MNAT1: variants seen among roughly 807,000 people sequenced by gnomAD.
MNAT1 encodes the protein MNAT1 component of CDK activating kinase.
A neutral mutation model predicts 42.0 loss-of-function variants in MNAT1; 43 were observed. The observed-to-expected ratio is 1.02, with a 90% CI of 0.80 to 1.32. The LOEUF (loss-of-function observed/expected upper bound fraction) is 1.32, where lower values mean the gene tolerates loss of function less well. Among genes scored for constraint, MNAT1 ranks in the 40% most tolerant of loss-of-function variants. MNAT1 has a pLI of 0.00. For synonymous variants in MNAT1, 118 were observed against 120.0 expected (o/e 0.98, Z 0.11); for missense variants, 306 against 350.4 (o/e 0.87, Z 1.01).
At chr14:60,902,402 A>G (rs1174655790) in intron 7 of MNAT1, among the ~76,000 whole-genome samples, 1 of 152,168 alleles carries the variant, frequency 6.6e-6, no homozygotes, top group Admixed American at 6.5e-5. Flanking sequence ...AATTCTGCCT[A>G]CTACAAGCGA....
At chr14:60,964,236 G>A (rs1482129538) in intron 7 of MNAT1, among the ~76,000 whole-genome samples, 1 of 152,136 alleles carries the variant, frequency 6.6e-6, no homozygotes, top group Non-Finnish European at 1.5e-5. Flanking sequence ...TTCAAGTGTG[G>A]TTTTCTAATG....
chr14:60,803,530 G>A (rs909517992), intron 3 of MNAT1, among the ~76,000 whole-genome samples: 1 of 152,160 alleles, frequency 6.6e-6, no homozygotes, highest in Admixed American at 6.5e-5. Flanking sequence ...GAGCCAAATT[G>A]TAAATATAGG....
At chr14:60,947,283 G>A (rs770522634) in intron 7 of MNAT1, among the ~76,000 whole-genome samples, 1 of 152,012 alleles carries the variant, frequency 6.6e-6, no homozygotes, top group Non-Finnish European at 1.5e-5. Context: ...GGGAATGACA[G>A]GTCCAGAGCC....
At chr14:60,772,961 G>C (rs1193068545) in intron 1 of MNAT1, among the ~76,000 whole-genome samples, 1 of 149,270 alleles carries the variant, frequency 6.7e-6, no homozygotes, top group Non-Finnish European at 1.5e-5. Flanking sequence ...TTGAGACAGA[G>C]TCTCTCTCTG....
chr14:60,951,883 G>A (rs1482639255), intron 7 of MNAT1, among the ~76,000 whole-genome samples: 1 of 152,018 alleles, frequency 6.6e-6, no homozygotes, highest in Non-Finnish European at 1.5e-5. Context: ...ATTCCTGTTG[G>A]CTTCACTGAG....
chr14:60,797,226 G>A (rs1032379773), intron 2 of MNAT1, among the ~76,000 whole-genome samples: 5 of 151,966 alleles, frequency 3.3e-5, no homozygotes, highest in African/African-American at 2.4e-5. Flanking sequence ...TCCGCCTAGC[G>A]GCTCTTTTAT....
chr14:60,896,699 C>T (rs183989193), intron 7 of MNAT1, among the ~76,000 whole-genome samples: 3 of 151,118 alleles, frequency 2.0e-5, no homozygotes, highest in Admixed American at 2.0e-4. Context: ...GTTGGCCAGG[C>T]TGGTCTCGAA....
At chr14:60,868,259 A>C (rs1331658085) in intron 6 of MNAT1, among the ~76,000 whole-genome samples, 1 of 152,192 alleles carries the variant, frequency 6.6e-6, no homozygotes, top group Non-Finnish European at 1.5e-5. Context: ...ACATGCATAC[A>C]CAGCACACAT....
chr14:60,940,771 TATGATGAG>T (rs2036136819), intron 7 of MNAT1, among the ~76,000 whole-genome samples: 1 of 152,190 alleles, frequency 6.6e-6, no homozygotes, highest in African/African-American at 2.4e-5. Context: ...TTAATAAACT[TATGATGAG>T]ATATCTAAAA....
chr14:60,814,193 TA>T (rs993333745), intron 5 of MNAT1, among the ~76,000 whole-genome samples: 10 of 152,214 alleles, frequency 6.6e-5, no homozygotes, highest in Admixed American at 3.9e-4. Context: ...TATTTTTGCA[TA>T]AAAAAATAGT....
intron 6 of MNAT1, among the ~76,000 whole-genome samples, chr14:60,859,411 C>T (rs1398707582): frequency 6.6e-6 from 1 of 152,140 alleles, no homozygotes; most frequent in African/African-American, 2.4e-5. Flanking sequence ...CTGTGCCTTT[C>T]CAAGTCCTCA....
In MNAT1 at chr14:60,740,930, T is replaced by G. The variant is rs1468785654; in HGVS notation, c.89+5979T>G. Among the ~76,000 whole-genome samples, 1 of 152,176 alleles carries G rather than the reference T, an allele frequency of 6.6e-6. No homozygotes were observed. The highest frequency in any genetic ancestry group is 2.4e-5 in the African/African-American group (1 of 41,440). Reference sequence around the variant, plus strand: ...ATTACCAGATCTTCTGTATCTTTATTAATTTATTTTATCTACTCATCTTAT... The same window carrying G: ...ATTACCAGATCTTCTGTATCTTTATGAATTTATTTTATCTACTCATCTTAT... On this transcript the variant is annotated intron_variant, in intron 1 of 7. Coordinates refer to ENST00000261245, the MANE Select transcript of MNAT1 (RefSeq NM_002431.4). This position sits in a 1 kb window ranked among gnomAD's most constrained non-coding sequence, Gnocchi z 4.1.
intron 1 of MNAT1, among the ~76,000 whole-genome samples, chr14:60,741,718 A>C (rs1192776798): frequency 8.1e-6 from 1 of 123,612 alleles, no homozygotes; most frequent in Non-Finnish European, 1.6e-5. Flanking sequence ...ATGTTTCCCA[A>C]GCTGGTCTCA....
intron 5 of MNAT1, among the ~76,000 whole-genome samples, chr14:60,816,329 A>AAC (rs79873653): frequency 0.95 from 144,051 of 152,158 alleles, 68,459 homozygotes; most frequent in Non-Finnish European, 0.99. Context: ...AATTTTAAAA[A>AAC]AGTTTGGAAA....
At chr14:60,780,562 C>T in intron 1 of MNAT1, 1 of 1,519,314 alleles carries the variant, frequency 6.6e-7, no homozygotes, top group Non-Finnish European at 9.1e-7. Context: ...AAGTAAATAG[C>T]ATGGTGGCCT....
intron 7 of MNAT1, among the ~76,000 whole-genome samples, chr14:60,942,212 T>C (rs769953595): frequency 2.6e-4 from 39 of 151,958 alleles, no homozygotes; most frequent in Non-Finnish European, 5.1e-4. Context: ...TCTTAAAGAG[T>C]TCAGCCAAAA....
At chr14:60,796,021 C>A (rs1452327063) in intron 1 of MNAT1, among the ~76,000 whole-genome samples, 196 bp from the exon 2 acceptor site, 2 of 152,120 alleles carry the variant, frequency 1.3e-5, no homozygotes, top group South Asian at 2.1e-4. Context: ...AAACTGGTAT[C>A]ACTTGGGATA....
At chr14:60,927,872 T>C (rs1328536060) in intron 7 of MNAT1, among the ~76,000 whole-genome samples, 3 of 152,062 alleles carry the variant, frequency 2.0e-5, no homozygotes, top group Non-Finnish European at 4.4e-5. Context: ...TAAAGTACCA[T>C]AACAGGTCAA....
chr14:60,931,866 A>T (rs1167197212), intron 7 of MNAT1, among the ~76,000 whole-genome samples: 1 of 152,028 alleles, frequency 6.6e-6, no homozygotes, highest in Admixed American at 6.6e-5. Context: ...TTTTAAAAAA[A>T]CAATGGTGAA....
Sources: allele counts gnomAD v4.1 joint callset (sites outside exome capture counted in the v4.1 genomes callset), GRCh38; gene constraint gnomAD v4.1.1; non-coding constraint Gnocchi (gnomAD v3.1); transcripts MANE v1.5; gene names NCBI Gene and HGNC (gene_info 2026-07-23, HGNC 2026-07-21).